Variants in DLGAP4 observed in about 807,000 individuals in gnomAD.
DLGAP4 encodes DLG associated protein 4, also known as disks large-associated protein 4.
A neutral mutation model predicts 86.9 loss-of-function variants in DLGAP4; 18 were observed. The ratio of observed to expected loss-of-function variants is 0.21; its 90% CI spans 0.14 to 0.31. The LOEUF is 0.31. Among genes scored for constraint, DLGAP4 ranks in the 10% least tolerant of loss-of-function variants. The pLI is 1.00. For missense variants in DLGAP4, 1,085 were observed against 1,362.6 expected (o/e 0.80, Z 3.21); for synonymous variants, 548 against 574.3 (o/e 0.95, Z 0.65).
chr20:36,361,202 C>T (rs1455833754), intron 1 of DLGAP4, among the ~76,000 whole-genome samples: 1 of 152,040 alleles, frequency 6.6e-6, no homozygotes, highest in Non-Finnish European at 1.5e-5. Context: ...GTGTAAGAAG[C>T]CCCCAGGGCA....
chr20:36,415,023 T>C (rs2032612846), intron 2 of DLGAP4, among the ~76,000 whole-genome samples: 1 of 152,062 alleles, frequency 6.6e-6, no homozygotes, highest in African/African-American at 2.4e-5. Context: ...ACCAGCACTT[T>C]GAGAGGCCAA....
At chr20:36,465,153 T>C (rs1006798778) in intron 7 of DLGAP4, 8 of 150,302 alleles carry the variant, frequency 5.3e-5, no homozygotes, top group Non-Finnish European at 1.2e-4. Context: ...ACAGCCCAGT[T>C]CCCCCCCCAT....
intron 1 of DLGAP4, among the ~76,000 whole-genome samples, chr20:36,317,353 C>CTCTT (rs1286043498): frequency 1.4e-5 from 2 of 144,746 alleles, no homozygotes; most frequent in Admixed American, 1.4e-4. Context: ...CTTTCCTTCT[C>CTCTT]TCTTTCTTTC....
At chr20:36,326,198 T>C (rs1555890998) in intron 1 of DLGAP4, among the ~76,000 whole-genome samples, 2 of 152,162 alleles carry the variant, frequency 1.3e-5, no homozygotes, top group African/African-American at 4.8e-5. Flanking sequence ...AAAGCGGTAC[T>C]CAGGGGAAAC....
chr20:36,342,135 C>G, intron 1 of DLGAP4, among the ~76,000 whole-genome samples: 1 of 152,238 alleles, frequency 6.6e-6, no homozygotes, highest in South Asian at 2.1e-4. Context: ...GTCTCCCCAG[C>G]GAGGGGCCAA....
chr20:36,398,062 G>A (rs962150397), intron 2 of DLGAP4, among the ~76,000 whole-genome samples: 2 of 152,188 alleles, frequency 1.3e-5, no homozygotes, highest in Admixed American at 6.5e-5. Context: ...CAGAGGTTGC[G>A]GTGAGCTGAG....
chr20:36,387,356 C>A (rs563472313), intron 2 of DLGAP4, among the ~76,000 whole-genome samples: 2 of 152,122 alleles, frequency 1.3e-5, no homozygotes, highest in Non-Finnish European at 2.9e-5. Flanking sequence ...GTTTTTTATG[C>A]GTCACATCTT....
chr20:36,339,901 G>C (rs1555892357), intron 1 of DLGAP4, among the ~76,000 whole-genome samples: 6 of 152,200 alleles, frequency 3.9e-5, no homozygotes. Context: ...GAAGATCCCA[G>C]AGGGCCTGAG....
intron 2 of DLGAP4, among the ~76,000 whole-genome samples, chr20:36,381,799 C>T (rs1408108075): frequency 6.6e-6 from 1 of 152,144 alleles, no homozygotes; most frequent in Non-Finnish European, 1.5e-5. Flanking sequence ...CTCATAAGCT[C>T]TTCTCCTCTG....
At chr20:36,396,330 CACACACG>C (rs2031950058) in intron 2 of DLGAP4, among the ~76,000 whole-genome samples, 1 of 1,108 alleles carries the variant, frequency 9.0e-4, no homozygotes, top group Non-Finnish European at 4.7e-3. Context: ...AGCACACACA[CACACACG>C]CACACACACA....
In DLGAP4 at chr20:36,461,744, TCCGTCCGC is replaced by T. The variant is rs1342542485; in HGVS notation, c.1648+14811_1648+14818del. ...TCCTCCCCGTCTGTCCGTCCGTCCG[TCCGTCCGC>T]CCGCCCGCCCGCCCGCCCGCGCTTC... On this transcript the variant is annotated intron_variant, in intron 7 of 12. Transcript: ENST00000339266. 1.1e-4 allele frequency: 98 copies of T among 899,764 alleles called. No homozygotes were observed. In the African/African-American group the frequency reaches 1.1e-3, roughly 10 times the overall value. The allele number at this position is 899,764 out of a possible 1,614,324, so 55.7% of individuals were successfully genotyped here. A position where few individuals can be genotyped will look rare whatever the true frequency, so the allele number is the denominator to read the frequency against.
At chr20:36,415,440 C>T (rs974865987) in intron 2 of DLGAP4, among the ~76,000 whole-genome samples, 1 of 152,156 alleles carries the variant, frequency 6.6e-6, no homozygotes, top group Non-Finnish European at 1.5e-5. Context: ...GAGACAGTGC[C>T]CGGCCCTGTC....
intron 5 of DLGAP4, among the ~76,000 whole-genome samples, chr20:36,441,997 C>A (rs974229348): frequency 5.3e-5 from 8 of 152,140 alleles, no homozygotes; most frequent in African/African-American, 1.9e-4. Flanking sequence ...ATCCTCTGAC[C>A]CCTCACAGCC....
chr20:36,322,583 G>A (rs1555890633), intron 1 of DLGAP4, among the ~76,000 whole-genome samples: 1 of 152,132 alleles, frequency 6.6e-6, no homozygotes, highest in Non-Finnish European at 1.5e-5. Context: ...AGGACAGCAC[G>A]TGGCACACAG....
intron 1 of DLGAP4, among the ~76,000 whole-genome samples, chr20:36,333,689 G>A (rs2065293221): frequency 1.3e-5 from 2 of 152,210 alleles, no homozygotes; most frequent in African/African-American, 2.4e-5. Flanking sequence ...ACATCACACG[G>A]CATTCTGTAG....
intron 1 of DLGAP4, among the ~76,000 whole-genome samples, chr20:36,335,783 T>C (rs1370609708): frequency 6.6e-6 from 1 of 152,144 alleles, no homozygotes; most frequent in Non-Finnish European, 1.5e-5. Context: ...GACCCAGGTG[T>C]GGAGCTGCCC....
chr20:36,414,844 T>G (rs2032607969), intron 2 of DLGAP4, among the ~76,000 whole-genome samples: 1 of 152,220 alleles, frequency 6.6e-6, no homozygotes, highest in African/African-American at 2.4e-5. Context: ...TTAAATTTAA[T>G]TCTATTTAAG....
chr20:36,315,164 G>A (rs2065087756), intron 1 of DLGAP4, among the ~76,000 whole-genome samples: 1 of 151,274 alleles, frequency 6.6e-6, no homozygotes, highest in Non-Finnish European at 1.5e-5. Context: ...GCTGTGATGT[G>A]TGTGTGGTGT....
intron 2 of DLGAP4, among the ~76,000 whole-genome samples, chr20:36,409,769 C>G (rs1486382878): frequency 6.6e-6 from 1 of 151,318 alleles, no homozygotes; most frequent in Non-Finnish European, 1.5e-5. Flanking sequence ...CGCAGTGGCT[C>G]AAGCCTGTAA....
Sources: gnomAD v4.1 joint callset for allele counts (sites outside exome capture counted in the v4.1 genomes callset) on GRCh38, gnomAD v4.1.1 for gene constraint, MANE v1.5 for transcripts, NCBI Gene and HGNC (gene_info 2026-07-23, HGNC 2026-07-21) for gene names.